Variants in HELZ observed in about 807,000 individuals in gnomAD.
The protein encoded by HELZ is helicase with zinc finger, also known as ATP-dependent RNA helicase with zinc finger domain.
HELZ carries 23 observed loss-of-function variants against 218.2 expected under a neutral mutation model. The ratio of observed to expected loss-of-function variants is 0.11; its 90% CI spans 0.08 to 0.15. The LOEUF (loss-of-function observed/expected upper bound fraction) is 0.15, where lower values mean the gene tolerates loss of function less well. HELZ is among the 10% of genes least tolerant of loss of function. HELZ has a pLI of 1.00. For missense variants in HELZ, 1,813 were observed against 2,353.7 expected (o/e 0.77, Z 4.75); for synonymous variants, 814 against 829.4 (o/e 0.98, Z 0.32).
In HELZ at chr17:67,160,332, A is replaced by T. The variant is rs1342206606; in HGVS notation, c.2106T>A (p.Ala702=). Residue 702 remains alanine (A), a synonymous_variant, in exon 17 of 33, where the codon GCT becomes GCA. Transcript: ENST00000358691. ...RILICTHSNS[A]ADLYIKDYLH... ...AATAATCCTTTATGTAGAGATCAGCAGCACTATTAGAATGGGTGCAAATGA... is the reference window on the plus strand; with the variant it reads ...AATAATCCTTTATGTAGAGATCAGCTGCACTATTAGAATGGGTGCAAATGA... 6.2e-7 allele frequency: 1 copy of T among 1,612,140 alleles called. No homozygotes were observed. Among genetic ancestry groups the T allele is most frequent in the Non-Finnish European group, 8.5e-7 (1 of 1,178,640 alleles).
At chr17:67,213,692 C>G (rs1214715483) in intron 5 of HELZ, among the ~76,000 whole-genome samples, 1 of 151,912 alleles carries the variant, frequency 6.6e-6, no homozygotes, top group Non-Finnish European at 1.5e-5. Flanking sequence ...TTAAGACTAT[C>G]CTATAAAAAA....
At chr17:67,244,827 G>A in intron 1 of HELZ, 3 of 985,490 alleles carry the variant, frequency 3.0e-6, no homozygotes, top group East Asian at 2.3e-4. Flanking sequence ...GAGTGCTCTG[G>A]GCCGGAGAAA....
chr17:67,216,810 T>G (rs999598318), intron 4 of HELZ, among the ~76,000 whole-genome samples: 2 of 152,148 alleles, frequency 1.3e-5, no homozygotes, highest in African/African-American at 4.8e-5. Context: ...CCTCATTTCC[T>G]CACTTGGACA....
At chr17:67,174,256 T>A (rs984273035) in intron 13 of HELZ, among the ~76,000 whole-genome samples, 3 of 151,932 alleles carry the variant, frequency 2.0e-5, no homozygotes, top group African/African-American at 7.3e-5. Context: ...AAATGTATTT[T>A]ATCTAATCTT....
chr17:67,136,060 T>C lies in HELZ; in HGVS notation c.3092A>G (p.Tyr1031Cys). ...EDLDYGFLSN[Y>C]KLLNTAITRA... ...TGTGATGGCAGTATTGAGAAGCTTG[T>C]AGTTAGATAAAAAACCATAATCTAA... The change falls in exon 23 of 33, where the codon TAC (tyrosine) becomes TGC (cysteine). Residue 1031 changes from tyrosine (Y) to cysteine (C), a missense_variant. Transcript: ENST00000358691. 1.2e-6 allele frequency: 2 copies of C among 1,613,980 alleles called. No homozygotes were observed. Among genetic ancestry groups the C allele is most frequent in the Non-Finnish European group, 8.5e-7 (1 of 1,179,908 alleles).
chr17:67,130,844 C>T (rs980802146), intron 23 of HELZ, among the ~76,000 whole-genome samples: 1 of 152,128 alleles, frequency 6.6e-6, no homozygotes, highest in Non-Finnish European at 1.5e-5. Context: ...CAAAGCAAAA[C>T]GCTAAGGAAA....
rs34752223 is a variant in HELZ at position 67,089,696 on chromosome 17, G to GAGAGAGAGAGAGAGAGAGAC, written c.5242-2616_5242-2615insGTCTCTCTCTCTCTCTCTCT. ...AGAGAGAGAGAGAGAGAGAGAGAGAGAGAGACAGAGAGACAGAGAGAGAGA... is the reference window on the plus strand; with the variant it reads ...AGAGAGAGAGAGAGAGAGAGAGAGAGAGAGAGAGAGAGAGAGAGACAGAGACAGAGAGACAGAGAGAGAGA... On this transcript the variant is annotated intron_variant, in intron 31 of 32. Coordinates refer to ENST00000358691, the MANE Select transcript of HELZ (RefSeq NM_014877.4). 5.5e-3 allele frequency among the ~76,000 whole-genome samples: 673 copies of GAGAGAGAGAGAGAGAGAGAC among 122,106 alleles called. 5 individuals carry two copies. Among genetic ancestry groups the GAGAGAGAGAGAGAGAGAGAC allele is most frequent in the Admixed American group, 8.2e-3 (100 of 12,260 alleles). 80.1% of individuals were successfully genotyped at this position (122,106 alleles called of 152,430 possible). A position where few individuals can be genotyped will look rare whatever the true frequency, so the allele number is the denominator to read the frequency against.
chr17:67,166,450 C>G (rs199711136), intron 15 of HELZ, 28 bp downstream of exon 15: 1 of 1,576,462 alleles, frequency 6.3e-7, no homozygotes, highest in African/African-American at 1.3e-5. Context: ...AACCTAACTT[C>G]CTTTAATAAG....
chr17:67,084,056 A>T (rs920306592), intron 32 of HELZ, among the ~76,000 whole-genome samples: 9 of 152,238 alleles, frequency 5.9e-5, no homozygotes, highest in Admixed American at 5.9e-4. Flanking sequence ...TAACTTCAGT[A>T]AGAAGTCTCT....
At chr17:67,157,070 A>G (rs1432808464) in intron 17 of HELZ, among the ~76,000 whole-genome samples, 1 of 152,128 alleles carries the variant, frequency 6.6e-6, no homozygotes, top group Non-Finnish European at 1.5e-5. Context: ...TCACCATGTG[A>G]CATCCTGCTC....
intron 4 of HELZ, among the ~76,000 whole-genome samples, chr17:67,217,167 C>A (rs1340881413): frequency 1.3e-5 from 2 of 152,142 alleles, no homozygotes; most frequent in Non-Finnish European, 2.9e-5. Context: ...GAACTCCCAC[C>A]TTCCCCCACA....
At chr17:67,172,052 C>T (rs1251334646) in intron 13 of HELZ, among the ~76,000 whole-genome samples, 3 of 152,066 alleles carry the variant, frequency 2.0e-5, no homozygotes, top group Non-Finnish European at 4.4e-5. Context: ...AGGCTGGTCT[C>T]GAACTCCTGA....
intron 31 of HELZ, among the ~76,000 whole-genome samples, chr17:67,094,088 G>A (rs538810712): frequency 6.6e-6 from 1 of 152,256 alleles, no homozygotes; most frequent in East Asian, 1.9e-4. Flanking sequence ...TTTGGAGGCC[G>A]AGGTGGGCAG....
rs142101180 is a variant in HELZ, at chr17:67,234,411, A to T, written c.-19+5022T>A. ...ATCTCTCCATTCAACCTCCAAGATA[A>T]CTCTTGAATCCTTTCCATGGCCACC... On this transcript the variant is annotated intron_variant, in intron 3 of 32. Coordinates refer to ENST00000358691, the MANE Select transcript of HELZ (RefSeq NM_014877.4). 1.8e-3 allele frequency among the ~76,000 whole-genome samples: 271 copies of T among 151,704 alleles called. 1 individual carries two copies. The highest frequency in any genetic ancestry group is 6.1e-3 in the African/African-American group (254 of 41,346).
chr17:67,140,997 G>A (rs999219093), intron 21 of HELZ, among the ~76,000 whole-genome samples: 1 of 151,864 alleles, frequency 6.6e-6, no homozygotes, highest in African/African-American at 2.4e-5. Context: ...AAAAATGAGG[G>A]CAAAATAAAG....
At position 67,158,991 on chromosome 17, in the gene HELZ, GAGA is replaced by G. The variant is rs372517001; in HGVS notation, c.2177+1267_2177+1269del. On this transcript the variant is annotated intron_variant, in intron 17 of 32. Coordinates refer to ENST00000358691, the MANE Select transcript of HELZ (RefSeq NM_014877.4). Reference sequence around the variant, plus strand: ...TCACACCAAGTACACCACGATAACTGAGAAGGTCACACTTCCTATGTAACACAC... The same window carrying G: ...TCACACCAAGTACACCACGATAACTGAGGTCACACTTCCTATGTAACACAC... Among the ~76,000 whole-genome samples the G allele has an allele frequency of 2.3e-4, 35 of 152,170 alleles. No individual in the cohort carries two copies. The East Asian group carries it at 4.1e-3, about 18-fold the overall frequency.
At chr17:67,149,806 T>C in intron 19 of HELZ, 61 bp downstream of exon 19, 1 of 925,856 alleles carries the variant, frequency 1.1e-6, no homozygotes, top group Non-Finnish European at 1.7e-6. Flanking sequence ...AGAAATAGAA[T>C]ATTAAACATC....
At chr17:67,134,773 G>A (rs2038095781) in intron 23 of HELZ, among the ~76,000 whole-genome samples, 1 of 152,120 alleles carries the variant, frequency 6.6e-6, no homozygotes, top group Non-Finnish European at 1.5e-5. Context: ...TTTAAAGAGT[G>A]CCATGTCCTA....
At chr17:67,149,349 T>C (rs139284435) in intron 19 of HELZ, among the ~76,000 whole-genome samples, 1,652 of 152,324 alleles carry the variant, frequency 0.011, 20 homozygotes, top group South Asian at 0.017. Context: ...AACTGCAACC[T>C]TGTAAAACAG....
Sources: allele counts gnomAD v4.1 joint callset (sites outside exome capture counted in the v4.1 genomes callset), GRCh38; gene constraint gnomAD v4.1.1; transcripts MANE v1.5; gene names NCBI Gene and HGNC (gene_info 2026-07-23, HGNC 2026-07-21).